The following CRADD variants were observed in gnomAD, a reference collection of about 807,000 sequenced individuals.
CRADD encodes death domain-containing protein CRADD.
Under a neutral mutation model 15.5 loss-of-function variants are expected in CRADD, and 9 were observed. That is an observed-to-expected ratio of 0.58 (90% confidence interval 0.35 to 1.01). The LOEUF (loss-of-function observed/expected upper bound fraction) is 1.01. CRADD is among the 50% of genes least tolerant of loss of function. The pLI is 0.02. For missense variants in CRADD, 227 were observed against 250.3 expected, an observed-to-expected ratio of 0.91 and a Z score of 0.63; for synonymous variants, 118 against 107.6, an observed-to-expected ratio of 1.10 and a Z score of -0.60.
chr12:93,734,181 ATCCATCCATCCG>A (rs1271329274), intron 2 of CRADD, among the ~76,000 whole-genome samples: 5 of 151,882 alleles, frequency 3.3e-5, no homozygotes, highest in African/African-American at 1.2e-4. Context: ...CCGTCCATCC[ATCCATCCATCCG>A]TCCATCCATC....
intron 2 of CRADD, among the ~76,000 whole-genome samples, chr12:93,807,892 A>G (rs1957559169): frequency 6.7e-6 from 1 of 150,350 alleles, no homozygotes; most frequent in East Asian, 2.0e-4. Flanking sequence ...GGGATCTTAC[A>G]TTCTAACTGG....
At chr12:93,680,692 A>G (rs1047538176) in intron 2 of CRADD, among the ~76,000 whole-genome samples, 1 of 152,182 alleles carries the variant, frequency 6.6e-6, no homozygotes, top group Non-Finnish European at 1.5e-5. Flanking sequence ...GATAACATAG[A>G]GTTGGAGAAA....
chr12:93,741,911 T>C (rs1484194154), intron 2 of CRADD, among the ~76,000 whole-genome samples: 3 of 152,188 alleles, frequency 2.0e-5, no homozygotes, highest in African/African-American at 7.2e-5. Context: ...CCTCGGCTTC[T>C]GAACCCTTAG....
At chr12:93,850,892 G>T (rs1370411817), downstream of CRADD, 1 of 275,142 alleles carries the variant, frequency 3.6e-6, no homozygotes, top group Non-Finnish European at 5.5e-6. This position sits in a 1 kb window ranked among gnomAD's most constrained non-coding sequence, Gnocchi z 4.0. Flanking sequence ...CCCAAGTCAG[G>T]ATAAATAGCT....
intron 2 of CRADD, among the ~76,000 whole-genome samples, chr12:93,778,588 C>CCT (rs1491154251): frequency 6.6e-6 from 1 of 152,134 alleles, no homozygotes; most frequent in African/African-American, 2.4e-5. Flanking sequence ...CATGCAATTT[C>CCT]CTCTCATTCA....
intron 2 of CRADD, among the ~76,000 whole-genome samples, chr12:93,804,564 G>A (rs1225011035): frequency 6.6e-6 from 1 of 152,082 alleles, no homozygotes; most frequent in Non-Finnish European, 1.5e-5. Flanking sequence ...GAGTCATGGT[G>A]TACTCATCAG....
At chr12:93,732,641 T>C (rs1956486485) in intron 2 of CRADD, among the ~76,000 whole-genome samples, 1 of 152,216 alleles carries the variant, frequency 6.6e-6, no homozygotes. Context: ...GTTAAGAGGG[T>C]GCATTTTAGA....
At chr12:93,852,059 A>G (rs538301179), downstream of CRADD, among the ~76,000 whole-genome samples, 1 of 152,324 alleles carries the variant, frequency 6.6e-6, no homozygotes, top group South Asian at 2.1e-4. Flanking sequence ...CCAGCCAATA[A>G]TTCATTATCT....
At chr12:93,729,481 A>G (rs1956425851) in intron 2 of CRADD, among the ~76,000 whole-genome samples, 1 of 152,128 alleles carries the variant, frequency 6.6e-6, no homozygotes, top group East Asian at 1.9e-4. Context: ...CAGAAACTAA[A>G]TAAATTTTAA....
intron 2 of CRADD, among the ~76,000 whole-genome samples, chr12:93,694,803 A>T (rs1277565753): frequency 6.6e-6 from 1 of 152,216 alleles, no homozygotes; most frequent in Non-Finnish European, 1.5e-5. Context: ...TTGATGAAAG[A>T]AACTGAAGAA....
chr12:93,839,084 T>G (rs1051927785), intron 2 of CRADD, among the ~76,000 whole-genome samples: 3 of 152,240 alleles, frequency 2.0e-5, no homozygotes, highest in South Asian at 2.1e-4. Flanking sequence ...TGGACATATA[T>G]TCTTAATTTG....
chr12:93,720,576 A>G (rs956321488), intron 2 of CRADD, among the ~76,000 whole-genome samples: 1 of 152,162 alleles, frequency 6.6e-6, no homozygotes, highest in Non-Finnish European at 1.5e-5. Context: ...GTTTTACCTC[A>G]TGTATTTTAA....
intron 2 of CRADD, among the ~76,000 whole-genome samples, chr12:93,817,694 G>A (rs551700598): frequency 2.6e-5 from 4 of 152,020 alleles, no homozygotes; most frequent in Non-Finnish European, 5.9e-5. Context: ...TGGGGCCTTC[G>A]AATCCACTCT....
chr12:93,764,249 C>T (rs1957002325), intron 2 of CRADD, among the ~76,000 whole-genome samples: 1 of 142,796 alleles, frequency 7.0e-6, no homozygotes, highest in African/African-American at 2.6e-5. Context: ...TTGGAAGTGA[C>T]AAGACTAGGG....
intron 2 of CRADD, among the ~76,000 whole-genome samples, chr12:93,872,889 G>C (rs1958432911): frequency 6.6e-6 from 1 of 151,872 alleles, no homozygotes; most frequent in South Asian, 2.1e-4. Flanking sequence ...TGACTATTCT[G>C]GCTCTGTTTG....
intron 2 of CRADD, among the ~76,000 whole-genome samples, chr12:93,810,013 G>A (rs1210689106): frequency 6.6e-6 from 1 of 152,136 alleles, no homozygotes; most frequent in Non-Finnish European, 1.5e-5. Context: ...TTTACCATCA[G>A]CAAGGGCTGT....
At chr12:93,755,638 T>C (rs908678771) in intron 2 of CRADD, among the ~76,000 whole-genome samples, 4 of 152,204 alleles carry the variant, frequency 2.6e-5, no homozygotes, top group South Asian at 2.1e-4. Context: ...GTGTAATTCA[T>C]TGGAATCCCA....
chr12:93,876,941 T>A (rs947485980), intron 2 of CRADD, among the ~76,000 whole-genome samples: 1 of 152,306 alleles, frequency 6.6e-6, no homozygotes, highest in South Asian at 2.1e-4. Flanking sequence ...CTGTCTGGGC[T>A]TATTTGTAGC....
chr12:93,802,017 CAT>C (rs1472361648), intron 2 of CRADD, among the ~76,000 whole-genome samples: 4 of 152,216 alleles, frequency 2.6e-5, no homozygotes, highest in Non-Finnish European at 5.9e-5. Flanking sequence ...CCACAAAAGA[CAT>C]TATTTCATTC....
Sources: allele counts gnomAD v4.1 joint callset (sites outside exome capture counted in the v4.1 genomes callset), GRCh38; gene constraint gnomAD v4.1.1; non-coding constraint Gnocchi (gnomAD v3.1); transcripts MANE v1.5; gene names NCBI Gene and HGNC (gene_info 2026-07-23, HGNC 2026-07-21).